ZMYM4: variants seen among roughly 807,000 people sequenced by gnomAD.
ZMYM4 encodes zinc finger MYM-type protein 4.
A neutral mutation model predicts 183.2 loss-of-function variants in ZMYM4; 31 were observed. The ratio of observed to expected loss-of-function variants is 0.17; its 90% CI spans 0.13 to 0.23. The LOEUF is 0.23. Among genes scored for constraint, ZMYM4 ranks in the 10% least tolerant of loss-of-function variants. The probability of loss-of-function intolerance (pLI) is 1.00; values close to 1 mark genes in which losing one functional copy is unlikely to be tolerated. For synonymous variants in ZMYM4, 592 were observed against 631.2 expected (o/e 0.94, Z 0.93); for missense variants, 1,273 against 1,840.3 (o/e 0.69, Z 5.64).
At chr1:35,280,202 TCTTCC>T (rs1215031340) in intron 1 of ZMYM4, among the ~76,000 whole-genome samples, 1 of 150,084 alleles carries the variant, frequency 6.7e-6, no homozygotes, top group Non-Finnish European at 1.5e-5. Flanking sequence ...TCCCTTCCTT[TCTTCC>T]CTTCCTTTCT....
In ZMYM4 at chr1:35,331,552, G is replaced by A. The variant is rs113550526; in HGVS notation, c.85+6147G>A. Among the ~76,000 whole-genome samples, 261 of 152,114 alleles carry A rather than the reference G, an allele frequency of 1.7e-3. 2 individuals carry two copies. Among genetic ancestry groups the A allele is most frequent in the African/African-American group, 6.0e-3 (249 of 41,528 alleles). ...TGTAATCCCAGCACTTTGGGAGGCC[G>A]AGGTGGGTGGATTGCTTGAGGTCAG... is the stretch of plus-strand genomic sequence containing the variant. On this transcript the variant is annotated intron_variant, in intron 2 of 29. Transcript: ENST00000314607.
intron 1 of ZMYM4, among the ~76,000 whole-genome samples, chr1:35,298,518 C>A (rs1228288338): frequency 6.6e-6 from 1 of 152,154 alleles, no homozygotes. Flanking sequence ...GCTGCTGAAA[C>A]TTGCAGGGTA....
chr1:35,371,478 C>T (rs1002407233), intron 7 of ZMYM4, among the ~76,000 whole-genome samples: 5 of 151,338 alleles, frequency 3.3e-5, no homozygotes, highest in Non-Finnish European at 7.4e-5. Context: ...TGTTTAATAA[C>T]AAAAAAGGGG....
chr1:35,269,795 C>T (rs1639505096), intron 1 of ZMYM4, among the ~76,000 whole-genome samples: 1 of 152,136 alleles, frequency 6.6e-6, no homozygotes, highest in African/African-American at 2.4e-5. Flanking sequence ...GTTTGAATAC[C>T]TTTTAAAGTT....
intron 1 of ZMYM4, among the ~76,000 whole-genome samples, chr1:35,292,804 A>G (rs753873717): frequency 2.0e-5 from 3 of 151,940 alleles, no homozygotes; most frequent in Non-Finnish European, 4.4e-5. Context: ...CCTGCGATTT[A>G]GTTGTTTTTA....
At chr1:35,380,066 T>C (rs2148961616) in intron 7 of ZMYM4, among the ~76,000 whole-genome samples, 1 of 152,322 alleles carries the variant, frequency 6.6e-6, no homozygotes, top group Non-Finnish European at 1.5e-5. Flanking sequence ...ACTGATAGAC[T>C]TGTGTGAGGC....
intron 1 of ZMYM4, among the ~76,000 whole-genome samples, chr1:35,278,239 T>TG (rs753409191): frequency 0.034 from 5,116 of 152,072 alleles, 254 homozygotes; most frequent in East Asian, 0.24. Context: ...TTACCATAAT[T>TG]ACCTCTCCAA....
At chr1:35,302,378 CTTT>C (rs1179477732) in intron 1 of ZMYM4, among the ~76,000 whole-genome samples, 2 of 86,180 alleles carry the variant, frequency 2.3e-5, no homozygotes, top group Admixed American at 1.3e-4. Flanking sequence ...GCTAATTTGA[CTTT>C]TTTTTTTTTT....
intron 2 of ZMYM4, among the ~76,000 whole-genome samples, chr1:35,333,373 T>A (rs1642838855): frequency 6.6e-6 from 1 of 151,678 alleles, no homozygotes; most frequent in Admixed American, 6.6e-5. Context: ...TTCCTGTTCC[T>A]CAGCCTCCCA....
chr1:35,276,669 G>A lies in ZMYM4; in HGVS notation c.39+7584G>A, dbSNP rs146809079. 0.021 allele frequency among the ~76,000 whole-genome samples: 3,210 copies of A among 151,854 alleles called. 207 individuals are homozygous for A. The East Asian group carries it at 0.24, about 12-fold the overall frequency. On this transcript the variant is annotated intron_variant, in intron 1 of 29. Coordinates refer to ENST00000314607, the MANE Select transcript of ZMYM4 (RefSeq NM_005095.3). ...GTTGCCCAGGCTGGAGTGCAGTGGC[G>A]TGATCTTGGCTCACTGCATCGTCCG...
intron 1 of ZMYM4, among the ~76,000 whole-genome samples, chr1:35,279,989 C>T (rs1570234343): frequency 6.6e-6 from 1 of 152,300 alleles, no homozygotes; most frequent in Non-Finnish European, 1.5e-5. Context: ...GTATTTCTAC[C>T]ACCATGTCTT....
At chr1:35,365,155 G>GGT (rs1378626780) in intron 5 of ZMYM4, among the ~76,000 whole-genome samples, 2 of 151,878 alleles carry the variant, frequency 1.3e-5, no homozygotes, top group Non-Finnish European at 2.9e-5. Flanking sequence ...AACATTTATA[G>GGT]GTGAGAGAGC....
At chr1:35,340,839 G>A (rs1269319664) in intron 2 of ZMYM4, among the ~76,000 whole-genome samples, 2 of 152,028 alleles carry the variant, frequency 1.3e-5, no homozygotes, top group Non-Finnish European at 1.5e-5. Context: ...CCTGGAGTTT[G>A]GGTACCCCTG....
intron 1 of ZMYM4, among the ~76,000 whole-genome samples, chr1:35,288,868 C>G (rs1020997960): frequency 5.3e-5 from 8 of 152,150 alleles, no homozygotes; most frequent in African/African-American, 1.9e-4. Context: ...TTGGGAATAT[C>G]AGTTCACTTT....
intron 2 of ZMYM4, among the ~76,000 whole-genome samples, chr1:35,354,390 C>T (rs1643738284): frequency 6.6e-6 from 1 of 152,138 alleles, no homozygotes; most frequent in Admixed American, 6.5e-5. Context: ...TCTTTTTCAT[C>T]ACTCTCTTGT....
intron 23 of ZMYM4, 151 bp from the exon 24 acceptor site, chr1:35,404,872 G>C (rs1644973688): frequency 2.9e-6 from 2 of 685,964 alleles, no homozygotes; most frequent in Non-Finnish European, 4.5e-6. Flanking sequence ...AATCTCTAAA[G>C]CCCTTTCTTG....
At chr1:35,329,640 T>G (rs1161857656) in intron 2 of ZMYM4, among the ~76,000 whole-genome samples, 2 of 152,198 alleles carry the variant, frequency 1.3e-5, no homozygotes, top group South Asian at 4.1e-4. Flanking sequence ...TTCTAAAAAT[T>G]ATTCTTATTA....
Position 35,370,365 on chromosome 1 carries a change from T to TTTTTTA in ZMYM4, c.926-5_926-4insTTTATT. On this transcript the variant is annotated splice_region_variant and splice_polypyrimidine_tract_variant and intron_variant, in intron 6 of 29. Transcript: ENST00000314607. ...TTTTTTTTTTTTTTTTTTTTTTTTT[T>TTTTTTA]TTAAAGCTCCACAGTTGACTACTGG... The TTTTTTA allele has an allele frequency of 7.0e-7, 1 of 1,432,316 alleles. No individual in the cohort carries two copies. The highest frequency in any genetic ancestry group is 9.2e-7 in the Non-Finnish European group (1 of 1,092,702). 88.7% of individuals were successfully genotyped at this position (1,432,316 alleles called of 1,614,324 possible). A position where few individuals can be genotyped will look rare whatever the true frequency, so the allele number is the denominator to read the frequency against.
At chr1:35,415,827 A>G (rs1430058357) in intron 28 of ZMYM4, 113 bp downstream of exon 28, 5 of 1,353,960 alleles carry the variant, frequency 3.7e-6, no homozygotes, top group Non-Finnish European at 4.9e-6. Context: ...GTGTACCTTT[A>G]ACATTTGAAT....
Sources: allele counts gnomAD v4.1 joint callset (sites outside exome capture counted in the v4.1 genomes callset), GRCh38; gene constraint gnomAD v4.1.1; transcripts MANE v1.5; gene names NCBI Gene and HGNC (gene_info 2026-07-23, HGNC 2026-07-21).